PRKCB: variants seen among roughly 807,000 people sequenced by gnomAD.
PRKCB encodes protein kinase C beta.
A neutral mutation model predicts 81.5 loss-of-function variants in PRKCB; 13 were observed. That is an observed-to-expected ratio of 0.16 (90% CI 0.10 to 0.25). The LOEUF is 0.25. PRKCB is among the 10% of genes least tolerant of loss of function. PRKCB has a pLI of 1.00. For synonymous variants in PRKCB, 335 were observed against 321.4 expected (o/e 1.04, Z -0.45); for missense variants, 509 against 875.7 (o/e 0.58, Z 5.29).
intron 2 of PRKCB, among the ~76,000 whole-genome samples, chr16:23,926,694 T>C (rs1434188837): frequency 6.6e-6 from 1 of 150,810 alleles, no homozygotes; most frequent in African/African-American, 2.4e-5. Context: ...TAAATATATA[T>C]ACATTTTCTT....
intron 5 of PRKCB, among the ~76,000 whole-genome samples, chr16:24,063,597 T>C (rs898149987): frequency 3.3e-5 from 5 of 152,138 alleles, no homozygotes; most frequent in African/African-American, 1.2e-4. Context: ...GCCTGGCCAC[T>C]GATGTACTTT....
At chr16:23,909,292 G>A (rs2141731268) in intron 2 of PRKCB, among the ~76,000 whole-genome samples, 1 of 152,236 alleles carries the variant, frequency 6.6e-6, no homozygotes. Context: ...GCTTTCATTT[G>A]TTTGGGCTGC....
intron 5 of PRKCB, among the ~76,000 whole-genome samples, chr16:24,070,350 T>C (rs1966092685): frequency 6.8e-6 from 1 of 147,126 alleles, no homozygotes; most frequent in Non-Finnish European, 1.5e-5. Flanking sequence ...ATTTTTGCCA[T>C]CTTGGCCAGG....
chr16:24,059,796 A>T (rs1225781235), intron 5 of PRKCB, among the ~76,000 whole-genome samples: 1 of 152,240 alleles, frequency 6.6e-6, no homozygotes, highest in African/African-American at 2.4e-5. Flanking sequence ...AACACCTTAG[A>T]TGCTGCCAAC....
chr16:23,841,393 C>T (rs1962261365), intron 2 of PRKCB, among the ~76,000 whole-genome samples: 2 of 152,046 alleles, frequency 1.3e-5, no homozygotes, highest in Admixed American at 1.3e-4. Flanking sequence ...CTGTGGCATT[C>T]TTTACAGGAA....
chr16:24,067,749 CTGAGATCAGGAGTT>C (rs1966055139), intron 5 of PRKCB, among the ~76,000 whole-genome samples: 2 of 152,016 alleles, frequency 1.3e-5, no homozygotes, highest in Admixed American at 1.3e-4. Context: ...GGTGGATCAT[CTGAGATCAGGAGTT>C]TGAGATCATC....
chr16:23,923,016 G>A (rs1963848884), intron 2 of PRKCB, among the ~76,000 whole-genome samples: 3 of 151,982 alleles, frequency 2.0e-5, no homozygotes, highest in South Asian at 2.1e-4. Flanking sequence ...ACCTTTTAAT[G>A]CTAAATGTAG....
intron 2 of PRKCB, among the ~76,000 whole-genome samples, chr16:23,855,642 T>A (rs1962552082): frequency 6.6e-6 from 1 of 152,172 alleles, no homozygotes; most frequent in African/African-American, 2.4e-5. Flanking sequence ...GCAGGTGGTT[T>A]ATTGGGGATG....
chr16:24,108,992 C>T, intron 7 of PRKCB, among the ~76,000 whole-genome samples: 1 of 147,052 alleles, frequency 6.8e-6, no homozygotes. Context: ...CTGACCCCCC[C>T]ACCTCCCTCC....
At position 24,217,374 on chromosome 16, in the gene PRKCB, CT is replaced by C; in HGVS notation, c.*2563del. ...GTGCAGAAGAAACTGAGAAACAGAGCTTTTTGAAGAGAGGACAGGGCCATAG... is the reference window on the plus strand; with the variant it reads ...GTGCAGAAGAAACTGAGAAACAGAGCTTTTGAAGAGAGGACAGGGCCATAG... On this transcript the variant is annotated 3_prime_UTR_variant, in exon 17 of 17. Transcript: ENST00000643927. The C allele has an allele frequency of 1.0e-6, 1 of 985,312 alleles. No individual in the cohort carries two copies. The highest frequency in any genetic ancestry group is 4.7e-5 in the South Asian group (1 of 21,282). 61.0% of individuals were successfully genotyped at this position (985,312 alleles called of 1,614,324 possible). A position where few individuals can be genotyped will look rare whatever the true frequency, so the allele number is the denominator to read the frequency against.
At chr16:24,079,825 A>G (rs1227230470) in intron 5 of PRKCB, among the ~76,000 whole-genome samples, 1 of 152,238 alleles carries the variant, frequency 6.6e-6, no homozygotes, top group Non-Finnish European at 1.5e-5. Flanking sequence ...CTTAATAGAT[A>G]TGCCTCTAGA....
intron 2 of PRKCB, among the ~76,000 whole-genome samples, chr16:23,898,310 G>A (rs545425753): frequency 4.6e-5 from 7 of 152,080 alleles, no homozygotes; most frequent in South Asian, 4.2e-4. Context: ...CCAGTGATCC[G>A]CCCATCTCGG....
chr16:24,143,757 TG>T (rs1966943363), intron 9 of PRKCB, among the ~76,000 whole-genome samples: 1 of 152,206 alleles, frequency 6.6e-6, no homozygotes, highest in Non-Finnish European at 1.5e-5. Flanking sequence ...ATTTAGTGTG[TG>T]GGGACCTAAG....
At chr16:23,843,842 G>A (rs976225911) in intron 2 of PRKCB, among the ~76,000 whole-genome samples, 1 of 145,796 alleles carries the variant, frequency 6.9e-6, no homozygotes, top group African/African-American at 2.6e-5. Context: ...GAAGGCAATT[G>A]GTCAAAAGAT....
intron 5 of PRKCB, among the ~76,000 whole-genome samples, chr16:24,048,731 C>A (rs573614334): frequency 1.3e-5 from 2 of 152,086 alleles, no homozygotes; most frequent in Non-Finnish European, 2.9e-5. Context: ...ATCTGCCCAC[C>A]TCGGCCCCCC....
At chr16:23,943,264 C>T (rs1407591438) in intron 2 of PRKCB, among the ~76,000 whole-genome samples, 1 of 152,198 alleles carries the variant, frequency 6.6e-6, no homozygotes, top group Non-Finnish European at 1.5e-5. Flanking sequence ...GTGGCTTATG[C>T]CTGTAATCCT....
intron 2 of PRKCB, among the ~76,000 whole-genome samples, chr16:23,838,819 C>T (rs1016495028): frequency 2.6e-5 from 4 of 152,194 alleles, no homozygotes; most frequent in African/African-American, 9.7e-5. Context: ...CCCTGCCAAC[C>T]TACCCAGCCT....
chr16:24,136,213 T>C (rs575643492), intron 9 of PRKCB, among the ~76,000 whole-genome samples: 1 of 151,754 alleles, frequency 6.6e-6, no homozygotes, highest in African/African-American at 2.4e-5. Context: ...TTCCGCAGCC[T>C]CTGCCTTCAA....
intron 9 of PRKCB, among the ~76,000 whole-genome samples, chr16:24,149,842 A>G (rs1252557938): frequency 6.6e-6 from 1 of 152,260 alleles, no homozygotes; most frequent in Non-Finnish European, 1.5e-5. Context: ...TCTAAGATAC[A>G]TAATCCATTC....
Sources: gnomAD v4.1 joint callset for allele counts (sites outside exome capture counted in the v4.1 genomes callset) on GRCh38, gnomAD v4.1.1 for gene constraint, MANE v1.5 for transcripts, NCBI Gene and HGNC (gene_info 2026-07-23, HGNC 2026-07-21) for gene names.